The following DOCK9 variants were observed in gnomAD, a reference collection of about 807,000 sequenced individuals.
The protein encoded by DOCK9 is dedicator of cytokinesis protein 9.
DOCK9 carries 89 observed loss-of-function variants against 263.3 expected under a neutral mutation model. The observed-to-expected ratio is 0.34, with a 90% confidence interval of 0.28 to 0.40. DOCK9 has a LOEUF of 0.40. Among genes scored for constraint, DOCK9 ranks in the 10% least tolerant of loss-of-function variants. The probability of loss-of-function intolerance (pLI) is 1.00; values close to 1 mark genes in which losing one functional copy is unlikely to be tolerated. For missense variants in DOCK9, 2,140 were observed against 2,603.4 expected (o/e 0.82, Z 3.87); for synonymous variants, 976 against 973.1 (o/e 1.00, Z -0.06).
intron 45 of DOCK9, among the ~76,000 whole-genome samples, chr13:98,819,477 G>A (rs573880648): frequency 1.3e-4 from 20 of 152,342 alleles, no homozygotes; most frequent in African/African-American, 3.6e-4. Context: ...AGTGTAGTGT[G>A]CTATGGCAGG....
chr13:99,015,521 C>G, intron 1 of DOCK9: 2 of 1,598,298 alleles, frequency 1.3e-6, no homozygotes, highest in Non-Finnish European at 1.7e-6. Flanking sequence ...GCATTATTCT[C>G]TCCTTGCTGT....
In DOCK9 at chr13:98,881,619, A is replaced by G. The variant is rs767099076; in HGVS notation, c.2684T>C (p.Ile895Thr). The change falls in exon 25 of 53, where the codon ATT becomes ACT. Residue 895 changes from isoleucine to threonine, a missense_variant. Ile to Thr is a moderately conservative substitution (Grantham distance 89). Transcript: ENST00000682017. Reference protein sequence around the residue: ...EVAVNVTRVIIHVVAQCHEEG... With the variant: ...EVAVNVTRVITHVVAQCHEEG... ...CTCATGGCACTGGGCAACCACATGA[A>G]TAATGACCCTACACACCACAGGAGT... 1 of 1,608,622 alleles carries G rather than the reference A, an allele frequency of 6.2e-7. No individual in the cohort carries two copies. The highest frequency in any genetic ancestry group is 1.7e-5 in the Admixed American group (1 of 59,436).
At chr13:98,959,370 A>C (rs1313639100) in intron 1 of DOCK9, 5 of 152,226 alleles carry the variant, frequency 3.3e-5, no homozygotes, top group Admixed American at 2.6e-4. Context: ...TGAATCAAGG[A>C]CTATAAAAAT....
In DOCK9 at chr13:98,915,355, T is replaced by C; in HGVS notation, c.866A>G (p.Glu289Gly). ...LQLNFEAAMQ[E>G]KRNGDSHEDD... is the part of the protein sequence containing the mutation. ...TTCGTGAGAGTCGCCATTTCGCTTT[T>C]CTTGCATTGCAGCTTCAAAGTTGAG... The change falls in exon 8 of 53, where the codon GAA becomes GGA. Residue 289 changes from glutamate (E) to glycine (G), a missense_variant. Glu to Gly is a moderately conservative substitution (Grantham distance 98, BLOSUM62 -2). Transcript: ENST00000682017. The C allele has an allele frequency of 6.2e-7, 1 of 1,613,946 alleles. No individual in the cohort carries two copies. The highest frequency in any genetic ancestry group is 8.5e-7 in the Non-Finnish European group (1 of 1,179,860).
intron 1 of DOCK9, among the ~76,000 whole-genome samples, chr13:99,024,125 T>C (rs917730543): frequency 2.6e-5 from 4 of 152,200 alleles, no homozygotes; most frequent in African/African-American, 9.7e-5. Context: ...CCATAAATGC[T>C]GATGCTGTAT....
At chr13:98,934,913 C>T (rs570382117) in intron 2 of DOCK9, among the ~76,000 whole-genome samples, 5 of 152,296 alleles carry the variant, frequency 3.3e-5, no homozygotes, top group Admixed American at 3.3e-4. Flanking sequence ...ACTGAGCTAG[C>T]AGCTGGAGAC....
intron 1 of DOCK9, among the ~76,000 whole-genome samples, chr13:98,976,445 C>T (rs1244976440): frequency 6.6e-6 from 1 of 151,956 alleles, no homozygotes; most frequent in Non-Finnish European, 1.5e-5. Context: ...GTCCTGTAGA[C>T]AAATATTTCT....
At chr13:98,929,674 T>G (rs929515477) in intron 3 of DOCK9, among the ~76,000 whole-genome samples, 18 of 151,696 alleles carry the variant, frequency 1.2e-4, no homozygotes, top group African/African-American at 4.3e-4. Flanking sequence ...GTAATCAATA[T>G]ATATAATAAT....
At chr13:98,928,555 A>C (rs140987148) in intron 3 of DOCK9, among the ~76,000 whole-genome samples, 1 of 152,374 alleles carries the variant, frequency 6.6e-6, no homozygotes, top group Non-Finnish European at 1.5e-5. Context: ...AACTGGGAGA[A>C]CTGAGTTAGC....
rs1296727997 is a variant in DOCK9 at position 98,829,272 on chromosome 13, C to T, written c.4965+35G>A. The T allele has an allele frequency of 6.4e-7, 1 of 1,568,336 alleles. No individual in the cohort carries two copies. The highest frequency in any genetic ancestry group is 1.2e-5 in the South Asian group (1 of 85,714). On this transcript the variant is annotated intron_variant, in intron 43 of 52. Transcript: ENST00000682017. The surrounding 1 kb of genome is among the most constrained non-coding windows in gnomAD (Gnocchi z 4.1). ...GTGAATGGGGCCTCACTGGTTTTTT[C>T]AAAAACCCATTCAAGCGGCTGGCAG...
chr13:98,899,034 G>T (rs1334173209), intron 13 of DOCK9, among the ~76,000 whole-genome samples: 1 of 150,314 alleles, frequency 6.7e-6, no homozygotes, highest in African/African-American at 2.4e-5. Flanking sequence ...TACAGTGAAG[G>T]GTCTTTTACA....
rs375989411 is a variant in DOCK9, at chr13:98,921,050, G to A, written c.621C>T (p.Gly207=). 33 of 1,601,536 alleles carry A rather than the reference G, an allele frequency of 2.1e-5. No individual in the cohort carries two copies. The highest frequency in any genetic ancestry group is 4.0e-5 in the African/African-American group (3 of 74,666). The part of the protein sequence containing the change: ...KRRFFHLIQL[G]DGSYNLNFYK... Reference sequence around the variant, plus strand: ...AAAAATTCAAATTATAGGATCCATCGCCAAGTTGAATCAGGTGGAAAAATC... The same window carrying A: ...AAAAATTCAAATTATAGGATCCATCACCAAGTTGAATCAGGTGGAAAAATC... Residue 207 remains glycine, a synonymous_variant, in exon 7 of 53, where the codon GGC becomes GGT. Transcript: ENST00000682017.
intron 2 of DOCK9, among the ~76,000 whole-genome samples, chr13:98,937,545 T>A (rs1005876011): frequency 6.6e-6 from 1 of 152,130 alleles, no homozygotes; most frequent in Non-Finnish European, 1.5e-5. Flanking sequence ...AATTCTTAGT[T>A]ACCTTCAGCA....
In DOCK9 at chr13:99,027,166, C is replaced by T. The variant is rs545863838; in HGVS notation, c.129+59057G>A. On this transcript the variant is annotated intron_variant, in intron 1 of 32. Coordinates refer to the DOCK9 transcript ENST00000427887. ...TCCCAAGTAGCTGGAACTACAGGTG[C>T]CCGCCACCATGCCCAGCTAATTTTT... 3.3e-5 allele frequency among the ~76,000 whole-genome samples: 5 copies of T among 152,188 alleles called. No individual in the cohort carries two copies. The East Asian group carries it at 7.7e-4, about 24-fold the overall frequency.
At chr13:98,973,570 G>A (rs1385731419) in intron 1 of DOCK9, among the ~76,000 whole-genome samples, 7 of 152,188 alleles carry the variant, frequency 4.6e-5, no homozygotes, top group Non-Finnish European at 7.3e-5. Context: ...AGGAAAATAT[G>A]AGCCACCCAA....
intron 27 of DOCK9, among the ~76,000 whole-genome samples, chr13:98,878,687 T>C (rs1411851516): frequency 6.6e-6 from 1 of 152,160 alleles, no homozygotes; most frequent in African/African-American, 2.4e-5. Context: ...CATCTCCCTA[T>C]GCACTAAAAT....
At chr13:98,802,054 A>G (rs1217119741) in intron 49 of DOCK9, among the ~76,000 whole-genome samples, 2 of 152,170 alleles carry the variant, frequency 1.3e-5, no homozygotes, top group Non-Finnish European at 2.9e-5. Flanking sequence ...CTAGTCAGGG[A>G]GGCAGTGCTG....
At chr13:98,920,548 T>C (rs2051780054) in intron 7 of DOCK9, among the ~76,000 whole-genome samples, 1 of 137,046 alleles carries the variant, frequency 7.3e-6, no homozygotes, top group South Asian at 2.3e-4. Context: ...CTAATCTCTT[T>C]ACTGATCTAC....
rs775087973 is a variant in DOCK9 at position 98,930,208 on chromosome 13, G to T, written c.293C>A (p.Ala98Glu). Residue 98 changes from alanine (A) to glutamate (E), a missense_variant, in exon 3 of 53, where the codon GCG (alanine) becomes GAG (glutamate). Around this residue, in one of 2 missense-constraint regions of DOCK9, gnomAD observed 1,521 missense variants for 1,741.7 expected, o/e 0.87. Coordinates refer to ENST00000682017, the MANE Select transcript of DOCK9 (RefSeq NM_001366683.2). ...GCTCTGTGCTTCCTCTTCCGCCTTC[G>T]CAGGCACTGTTGAGCATATGTATCG... ...QGRYICSTVPAKAEEEAQSLF... is the reference protein window; with the variant it reads ...QGRYICSTVPEKAEEEAQSLF... The T allele has an allele frequency of 3.7e-6, 6 of 1,612,188 alleles. No homozygotes were observed. The highest frequency in any genetic ancestry group is 1.1e-5 in the South Asian group (1 of 90,352).
Sources: gnomAD v4.1 joint callset for allele counts (sites outside exome capture counted in the v4.1 genomes callset) on GRCh38, gnomAD v4.1.1 for gene constraint, gnomAD v4.1.1 regional missense constraint, Gnocchi (gnomAD v3.1) non-coding constraint, MANE v1.5 for transcripts, NCBI Gene and HGNC (gene_info 2026-07-23, HGNC 2026-07-21) for gene names.